Variants in IGSF11 observed in about 807,000 individuals in gnomAD.
The protein encoded by IGSF11 is immunoglobulin superfamily member 11, also known as CXADR like 1.
A neutral mutation model predicts 41.0 loss-of-function variants in IGSF11; 22 were observed. That is an observed-to-expected ratio of 0.54 (90% CI 0.38 to 0.77). IGSF11 has a LOEUF of 0.77. Ranked by LOEUF, IGSF11 falls within the 30% of genes least tolerant of loss-of-function variation. The pLI is 0.00. For missense variants in IGSF11, 444 were observed against 530.8 expected (o/e 0.84, Z 1.61); for synonymous variants, 219 against 201.3 (o/e 1.09, Z -0.74).
rs770498716 is a variant in IGSF11, at chr3:118,928,499, T to C, written c.424+10A>G. The stretch of plus-strand genomic sequence containing the variant: ...AAGCCCGAACAGCCAAGGACTCTTG[T>C]GTCACTCACCTAACACTGTGAGACC... On this transcript the variant is annotated intron_variant, in intron 3 of 6. Coordinates refer to ENST00000393775, the MANE Select transcript of IGSF11 (RefSeq NM_001015887.3). 35 of 1,609,502 alleles carry C rather than the reference T, an allele frequency of 2.2e-5. No homozygotes were observed. In the South Asian group the frequency reaches 3.6e-4, roughly 17 times the overall value.
intron 1 of IGSF11, among the ~76,000 whole-genome samples, chr3:118,942,281 G>T (rs1943755956): frequency 6.6e-6 from 1 of 152,140 alleles, no homozygotes; most frequent in African/African-American, 2.4e-5. Context: ...GAAAATTGCT[G>T]CAACTGTCCC....
chr3:119,006,775 C>T (rs1457782434), intron 1 of IGSF11, among the ~76,000 whole-genome samples: 1 of 150,944 alleles, frequency 6.6e-6, no homozygotes. Context: ...TTAGGCTGCT[C>T]GGGGTTCAGG....
chr3:118,971,816 AAAAG>A (rs1297437403), intron 1 of IGSF11, among the ~76,000 whole-genome samples: 1 of 151,856 alleles, frequency 6.6e-6, no homozygotes, highest in East Asian at 1.9e-4. Context: ...AAAAAAAAAA[AAAAG>A]AAGAAACTAC....
intron 1 of IGSF11, among the ~76,000 whole-genome samples, chr3:118,941,127 G>T (rs941771067): frequency 2.0e-5 from 3 of 151,786 alleles, no homozygotes; most frequent in Admixed American, 6.6e-5. Context: ...CAAAATTATT[G>T]TTTTGATAAT....
intron 4 of IGSF11, among the ~76,000 whole-genome samples, chr3:118,910,826 A>G (rs1329488631): frequency 1.3e-5 from 2 of 152,152 alleles, no homozygotes; most frequent in Non-Finnish European, 2.9e-5. Context: ...CCCACTTTTA[A>G]CCAGTAAAAC....
chr3:119,032,865 C>T (rs1414239865), intron 1 of IGSF11, among the ~76,000 whole-genome samples: 1 of 152,152 alleles, frequency 6.6e-6, no homozygotes, highest in Non-Finnish European at 1.5e-5. Flanking sequence ...CTTTGTATTC[C>T]ACCACCACCT....
At chr3:119,009,379 T>C (rs2107690603) in intron 1 of IGSF11, among the ~76,000 whole-genome samples, 1 of 152,282 alleles carries the variant, frequency 6.6e-6, no homozygotes, top group East Asian at 1.9e-4. Flanking sequence ...AATCCCCACG[T>C]GTCAAGGGAG....
chr3:119,072,358 C>G (rs1380939097), intron 1 of IGSF11, among the ~76,000 whole-genome samples: 4 of 152,216 alleles, frequency 2.6e-5, no homozygotes, highest in African/African-American at 9.6e-5. Context: ...ATTTTTCCCA[C>G]TACCATCTTT....
At chr3:119,046,799 C>T (rs375285322) in intron 1 of IGSF11, among the ~76,000 whole-genome samples, 16 of 151,694 alleles carry the variant, frequency 1.1e-4, no homozygotes, top group African/African-American at 1.5e-4. Context: ...GCGGATCTCT[C>T]GGCAGAAACC....
At chr3:118,903,516 T>G (rs540870150) in intron 6 of IGSF11, among the ~76,000 whole-genome samples, 2 of 152,272 alleles carry the variant, frequency 1.3e-5, no homozygotes, top group East Asian at 3.9e-4. Context: ...AGAGTTGGCC[T>G]GATTGTATTA....
intron 1 of IGSF11, among the ~76,000 whole-genome samples, chr3:119,110,427 G>A (rs920614950): frequency 1.3e-5 from 2 of 151,474 alleles, no homozygotes; most frequent in African/African-American, 2.4e-5. Flanking sequence ...GCCTTTTTTT[G>A]TTTTCCATTT....
At chr3:119,139,573 C>T (rs1041045522) in intron 1 of IGSF11, among the ~76,000 whole-genome samples, 3 of 152,198 alleles carry the variant, frequency 2.0e-5, no homozygotes, top group African/African-American at 4.8e-5. Context: ...CCATGTAAGA[C>T]GTGACTTGCT....
At chr3:118,965,008 GGTTAT>G (rs371673009) in intron 1 of IGSF11, among the ~76,000 whole-genome samples, 22 of 152,070 alleles carry the variant, frequency 1.4e-4, no homozygotes, top group African/African-American at 5.1e-4. Context: ...TTTGCCGAGA[GGTTAT>G]GTACCTTGCC....
At chr3:119,142,274 CAAAAAAAAA>C (rs11328968) in intron 1 of IGSF11, among the ~76,000 whole-genome samples, 1 of 81,766 alleles carries the variant, frequency 1.2e-5, no homozygotes, top group Admixed American at 1.5e-4. Context: ...GACTCCATCT[CAAAAAAAAA>C]AAAAAAAAAA....
chr3:118,921,266 T>A (rs898365884), intron 4 of IGSF11, among the ~76,000 whole-genome samples: 1 of 152,158 alleles, frequency 6.6e-6, no homozygotes, highest in African/African-American at 2.4e-5. Context: ...TGTTCAGCAA[T>A]GTATCTTCAG....
intron 1 of IGSF11, among the ~76,000 whole-genome samples, chr3:119,017,828 G>C (rs1938888695): frequency 7.0e-6 from 1 of 142,842 alleles, no homozygotes; most frequent in Non-Finnish European, 1.5e-5. Flanking sequence ...TGTTGCCCAG[G>C]CTGGAGTGCA....
At chr3:118,973,955 G>A (rs983501128) in intron 1 of IGSF11, among the ~76,000 whole-genome samples, 3 of 152,124 alleles carry the variant, frequency 2.0e-5, no homozygotes, top group African/African-American at 7.2e-5. Flanking sequence ...TTGTCAGAGG[G>A]GCCGGGGGAA....
intron 1 of IGSF11, among the ~76,000 whole-genome samples, chr3:118,996,552 G>A (rs939638795): frequency 5.3e-5 from 8 of 151,744 alleles, no homozygotes; most frequent in South Asian, 2.1e-4. Flanking sequence ...AAACCCTTCC[G>A]TGGATTCCCA....
intron 1 of IGSF11, among the ~76,000 whole-genome samples, chr3:119,128,814 G>A (rs988195960): frequency 5.9e-5 from 9 of 152,164 alleles, no homozygotes; most frequent in Admixed American, 3.3e-4. Flanking sequence ...CCATTACTGG[G>A]TGTATTCCCA....
Sources: gnomAD v4.1 joint callset for allele counts (sites outside exome capture counted in the v4.1 genomes callset) on GRCh38, gnomAD v4.1.1 for gene constraint, MANE v1.5 for transcripts, NCBI Gene and HGNC (gene_info 2026-07-23, HGNC 2026-07-21) for gene names.